MCTP1: variants seen among roughly 807,000 people sequenced by gnomAD.
MCTP1 encodes multiple C2 and transmembrane domain containing 1, also known as multiple C2 and transmembrane domain-containing protein 1.
MCTP1 carries 69 observed loss-of-function variants against 120.6 expected under a neutral mutation model. That is an observed-to-expected ratio of 0.57 (90% confidence interval 0.47 to 0.70). The LOEUF is 0.70. Among genes scored for constraint, MCTP1 ranks in the 30% least tolerant of loss-of-function variants. The probability of loss-of-function intolerance (pLI) is 0.00; values close to 1 mark genes in which losing one functional copy is unlikely to be tolerated. For missense variants in MCTP1, 1,203 were observed against 1,248.8 expected (o/e 0.96, Z 0.55); for synonymous variants, 529 against 493.1 (o/e 1.07, Z -0.96).
At chr5:95,265,241 T>C (rs1005042285) in intron 1 of MCTP1, among the ~76,000 whole-genome samples, 2 of 152,122 alleles carry the variant, frequency 1.3e-5, no homozygotes, top group African/African-American at 4.8e-5. Flanking sequence ...TACAACAAGC[T>C]TCAGTCCAAG....
At chr5:95,074,564 G>A (rs905829687) in intron 1 of MCTP1, among the ~76,000 whole-genome samples, 32 of 152,292 alleles carry the variant, frequency 2.1e-4, no homozygotes, top group African/African-American at 7.5e-4. Flanking sequence ...TTAGGATCTG[G>A]AAAGTTGGAG....
intron 11 of MCTP1, 80 bp downstream of exon 11, chr5:94,894,569 A>T: frequency 9.4e-7 from 1 of 1,060,288 alleles, no homozygotes; most frequent in Non-Finnish European, 1.3e-6. Context: ...TCTCAGAAGT[A>T]CTTCTGTCCC....
At chr5:94,927,961 CT>C (rs977774151) in intron 6 of MCTP1, among the ~76,000 whole-genome samples, 26 of 151,866 alleles carry the variant, frequency 1.7e-4, no homozygotes, top group Middle Eastern at 3.4e-3. Flanking sequence ...AAGATATAAG[CT>C]GTCAAGTAAT....
At chr5:94,823,302 A>C (rs184696198) in intron 17 of MCTP1, among the ~76,000 whole-genome samples, 22 of 152,196 alleles carry the variant, frequency 1.4e-4, no homozygotes, top group African/African-American at 5.3e-4. Context: ...TATTAAATAG[A>C]GAATCCTTTC....
intron 19 of MCTP1, among the ~76,000 whole-genome samples, chr5:94,766,866 C>A (rs1027123096): frequency 6.6e-6 from 1 of 152,242 alleles, no homozygotes; most frequent in Admixed American, 6.5e-5. Flanking sequence ...TTATAAAGAA[C>A]TAACAATTCT....
intron 1 of MCTP1, among the ~76,000 whole-genome samples, chr5:95,051,408 G>C (rs960515352): frequency 3.3e-5 from 5 of 151,996 alleles, no homozygotes; most frequent in Non-Finnish European, 5.9e-5. Context: ...ACCCAGAGTG[G>C]GTCCCTAGTG....
intron 6 of MCTP1, among the ~76,000 whole-genome samples, chr5:94,924,443 C>T (rs1812490330): frequency 6.6e-6 from 1 of 152,066 alleles, no homozygotes; most frequent in African/African-American, 2.4e-5. Flanking sequence ...TATAAACATG[C>T]ACCTAGTCAA....
intron 1 of MCTP1, among the ~76,000 whole-genome samples, chr5:95,060,408 C>A (rs1444945099): frequency 6.6e-6 from 1 of 152,118 alleles, no homozygotes; most frequent in South Asian, 2.1e-4. Flanking sequence ...GGAAGCTGGC[C>A]ATCATTCATA....
intron 19 of MCTP1, among the ~76,000 whole-genome samples, chr5:94,752,817 G>C (rs543969295): frequency 6.6e-6 from 1 of 152,216 alleles, no homozygotes; most frequent in African/African-American, 2.4e-5. Flanking sequence ...ACCTCTGAAA[G>C]TGAAAGCTAT....
intron 1 of MCTP1, among the ~76,000 whole-genome samples, chr5:95,088,375 A>G (rs1755592136): frequency 6.6e-6 from 1 of 152,252 alleles, no homozygotes; most frequent in Non-Finnish European, 1.5e-5. Flanking sequence ...AGAATTGAAG[A>G]TACGCCTTAA....
intron 1 of MCTP1, among the ~76,000 whole-genome samples, chr5:95,066,102 A>G (rs1341204278): frequency 6.6e-6 from 1 of 152,200 alleles, no homozygotes; most frequent in African/African-American, 2.4e-5. Flanking sequence ...TACAAAGTAT[A>G]TAACTAACAA....
In MCTP1 at chr5:94,934,580, T is replaced by C. The variant is rs141081238; in HGVS notation, c.1174-2589A>G. Among the ~76,000 whole-genome samples, 1,291 of 151,954 alleles carry C rather than the reference T, an allele frequency of 8.5e-3. 27 individuals are homozygous for C. The highest frequency in any genetic ancestry group is 0.03 in the African/African-American group (1,256 of 41,528). ...GAAGTGACTTTTTAAGGCGATTATATAACTACTGTACATATAAAGAAATCA... is the reference window on the plus strand; with the variant it reads ...GAAGTGACTTTTTAAGGCGATTATACAACTACTGTACATATAAAGAAATCA... On this transcript the variant is annotated intron_variant, in intron 5 of 22. Coordinates refer to ENST00000515393, the MANE Select transcript of MCTP1 (RefSeq NM_024717.7).
At chr5:94,820,057 T>G (rs1316126879) in intron 17 of MCTP1, among the ~76,000 whole-genome samples, 1 of 152,220 alleles carries the variant, frequency 6.6e-6, no homozygotes, top group African/African-American at 2.4e-5. Context: ...TGGCAACTTC[T>G]TTTTAACTTG....
At chr5:94,948,349 G>T (rs551582893) in intron 3 of MCTP1, among the ~76,000 whole-genome samples, 1 of 152,282 alleles carries the variant, frequency 6.6e-6, no homozygotes, top group African/African-American at 2.4e-5. Context: ...CTATGATGAA[G>T]ATGTGATTGC....
chr5:95,047,366 T>C (rs1160828161), intron 1 of MCTP1, among the ~76,000 whole-genome samples: 1 of 152,102 alleles, frequency 6.6e-6, no homozygotes. Context: ...TGGCTGAATG[T>C]TTCTCATGGC....
intron 1 of MCTP1, among the ~76,000 whole-genome samples, chr5:95,137,155 G>A (rs1759509253): frequency 6.6e-6 from 1 of 152,190 alleles, no homozygotes; most frequent in Non-Finnish European, 1.5e-5. Context: ...ATCTAGTGCT[G>A]TATTTGTTGC....
chr5:95,273,072 T>A (rs1391004484), intron 1 of MCTP1, among the ~76,000 whole-genome samples: 1 of 152,232 alleles, frequency 6.6e-6, no homozygotes, highest in African/African-American at 2.4e-5. Flanking sequence ...ATTTGGGGGT[T>A]TGGCCCCACA....
intron 2 of MCTP1, among the ~76,000 whole-genome samples, chr5:94,985,414 T>G (rs1830269138): frequency 6.6e-6 from 1 of 152,210 alleles, no homozygotes. Flanking sequence ...CTCTTCTGTT[T>G]AAATTTTTAC....
At chr5:94,992,510 A>G (rs563612464) in intron 2 of MCTP1, among the ~76,000 whole-genome samples, 1 of 152,272 alleles carries the variant, frequency 6.6e-6, no homozygotes, top group South Asian at 2.1e-4. Flanking sequence ...AGCCAGCCAT[A>G]TCCTGTCTGC....
Sources: gnomAD v4.1 joint callset for allele counts (sites outside exome capture counted in the v4.1 genomes callset) on GRCh38, gnomAD v4.1.1 for gene constraint, MANE v1.5 for transcripts, NCBI Gene and HGNC (gene_info 2026-07-23, HGNC 2026-07-21) for gene names.